SOX6: variants seen among roughly 807,000 people sequenced by gnomAD.
The protein encoded by SOX6 is SRY-box transcription factor 6, also known as transcription factor SOX-6.
Under a neutral mutation model 97.8 loss-of-function variants are expected in SOX6, and 11 were observed. That is an observed-to-expected ratio of 0.11 (90% CI 0.07 to 0.19). The LOEUF (loss-of-function observed/expected upper bound fraction) is 0.19, where lower values mean the gene tolerates loss of function less well. Among genes scored for constraint, SOX6 ranks in the 10% least tolerant of loss-of-function variants. SOX6 has a pLI of 1.00. For synonymous variants in SOX6, 360 were observed against 371.4 expected (o/e 0.97, Z 0.35); for missense variants, 810 against 1,039.5 (o/e 0.78, Z 3.04).
In SOX6 at chr11:16,223,564, G is replaced by T. The variant is rs540166121; in HGVS notation, c.535+11018C>A. On this transcript the variant is annotated intron_variant, in intron 4 of 15. Transcript: ENST00000683767. ...ATAGATGTAGATATAGATGTTAATG[G>T]CTGTCTTCAGTTCTGGGTTTGTACA... Among the ~76,000 whole-genome samples the T allele has an allele frequency of 3.9e-5, 6 of 152,154 alleles. No individual in the cohort carries two copies. The South Asian group carries it at 1.0e-3, about 26-fold the overall frequency.
intron 2 of SOX6, among the ~76,000 whole-genome samples, chr11:16,321,961 A>C (rs1300810409): frequency 6.6e-6 from 1 of 152,172 alleles, no homozygotes; most frequent in African/African-American, 2.4e-5. Context: ...CACGTAAATT[A>C]ATAAACTTAT....
intron 4 of SOX6, among the ~76,000 whole-genome samples, chr11:16,598,389 C>T (rs1848234218): frequency 6.6e-6 from 1 of 151,984 alleles, no homozygotes. Context: ...CAATGAACTA[C>T]TCTCTCTTAG....
intron 4 of SOX6, among the ~76,000 whole-genome samples, chr11:16,539,747 T>C (rs1409440345): frequency 1.3e-5 from 2 of 152,140 alleles, no homozygotes. Flanking sequence ...CCTGGACACA[T>C]ACGCCCTCCT....
At chr11:16,303,736 G>A (rs1855335595) in intron 3 of SOX6, among the ~76,000 whole-genome samples, 1 of 152,118 alleles carries the variant, frequency 6.6e-6, no homozygotes, top group Admixed American at 6.5e-5. Context: ...ACCATGTTGA[G>A]TCTCCTAGTA....
At chr11:16,376,634 TA>T (rs1264124768) in intron 1 of SOX6, among the ~76,000 whole-genome samples, 7 of 152,138 alleles carry the variant, frequency 4.6e-5, no homozygotes, top group Admixed American at 4.6e-4. Context: ...TTGCTGATAG[TA>T]AGAATTTCAC....
intron 1 of SOX6, among the ~76,000 whole-genome samples, chr11:16,399,342 A>T (rs1016663710): frequency 2.1e-5 from 3 of 145,004 alleles, no homozygotes; most frequent in African/African-American, 8.3e-5. Flanking sequence ...ATTGTTTTAT[A>T]TTATTTTTAT....
intron 1 of SOX6, among the ~76,000 whole-genome samples, chr11:16,461,372 A>C (rs1261458035): frequency 6.6e-6 from 1 of 152,158 alleles, no homozygotes; most frequent in Non-Finnish European, 1.5e-5. Flanking sequence ...ATTTTTCAAA[A>C]GCGAAGCTCT....
At chr11:16,210,814 A>C (rs972927906) in intron 4 of SOX6, among the ~76,000 whole-genome samples, 1 of 152,186 alleles carries the variant, frequency 6.6e-6, no homozygotes. Flanking sequence ...CTTACTTTCT[A>C]GTGGAGGAAC....
At chr11:16,460,183 C>A (rs992082652) in intron 1 of SOX6, among the ~76,000 whole-genome samples, 7 of 151,860 alleles carry the variant, frequency 4.6e-5, no homozygotes, top group African/African-American at 1.7e-4. Flanking sequence ...AAATATTGGA[C>A]AACCAAAAAG....
At position 16,591,798 on chromosome 11, in the gene SOX6, A is replaced by G. The variant is rs991831963; in HGVS notation, n.609+20283T>C. On this transcript the variant is annotated intron_variant and non_coding_transcript_variant, in intron 4 of 5. Coordinates refer to the SOX6 transcript ENST00000524520. ...AATTTTAACAAAATTATTTGCATACATTTGTATGTAATCAATTTGTGCAAT... is the reference window on the plus strand; with the variant it reads ...AATTTTAACAAAATTATTTGCATACGTTTGTATGTAATCAATTTGTGCAAT... 9.9e-5 allele frequency among the ~76,000 whole-genome samples: 15 copies of G among 152,154 alleles called. No homozygotes were observed. The South Asian group carries it at 3.1e-3, about 31-fold the overall frequency.
intron 6 of SOX6, among the ~76,000 whole-genome samples, chr11:16,146,284 A>T (rs1376930548): frequency 6.6e-6 from 1 of 152,220 alleles, no homozygotes; most frequent in East Asian, 1.9e-4. Flanking sequence ...GGTGCTGGGA[A>T]AACTGGCTAG....
intron 4 of SOX6, among the ~76,000 whole-genome samples, chr11:16,528,171 A>G (rs1052944445): frequency 1.3e-5 from 2 of 152,116 alleles, no homozygotes; most frequent in Admixed American, 1.3e-4. Flanking sequence ...AAATTTTACA[A>G]TGTTTCTAAA....
intron 1 of SOX6, among the ~76,000 whole-genome samples, chr11:16,411,733 A>G (rs186163763): frequency 4.2e-4 from 64 of 152,316 alleles, no homozygotes; most frequent in African/African-American, 1.3e-3. Flanking sequence ...ACCAAAGTCA[A>G]GCAGAATTTG....
chr11:16,243,517 T>C (rs1448403088), intron 3 of SOX6, among the ~76,000 whole-genome samples: 1 of 151,904 alleles, frequency 6.6e-6, no homozygotes, highest in African/African-American at 2.4e-5. Flanking sequence ...TTTAATTAAC[T>C]ATATTCATAT....
chr11:16,680,818 G>C (rs1847921626), intron 3 of SOX6, among the ~76,000 whole-genome samples: 1 of 152,290 alleles, frequency 6.6e-6, no homozygotes, highest in Non-Finnish European at 1.5e-5. Flanking sequence ...CCTAGTCTCT[G>C]ATAAAACAGA....
At chr11:16,180,423 T>C (rs1337852578) in intron 6 of SOX6, among the ~76,000 whole-genome samples, 1 of 151,760 alleles carries the variant, frequency 6.6e-6, no homozygotes, top group Non-Finnish European at 1.5e-5. Flanking sequence ...CCATATTCCA[T>C]GACCTATTAG....
chr11:16,699,822 T>G (rs1168562155), intron 3 of SOX6, among the ~76,000 whole-genome samples: 1 of 152,198 alleles, frequency 6.6e-6, no homozygotes, highest in African/African-American at 2.4e-5. Context: ...TACTTATTCA[T>G]GCACATATTA....
At chr11:16,326,851 A>C (rs1271965524) in intron 2 of SOX6, among the ~76,000 whole-genome samples, 2 of 152,196 alleles carry the variant, frequency 1.3e-5, no homozygotes, top group Admixed American at 1.3e-4. Context: ...TCAGTGGCTA[A>C]GGCCAAAGGC....
intron 10 of SOX6, among the ~76,000 whole-genome samples, chr11:16,051,025 C>G (rs1229155508): frequency 6.6e-6 from 1 of 151,882 alleles, no homozygotes; most frequent in Non-Finnish European, 1.5e-5. Flanking sequence ...CTTGCTGGGG[C>G]TCAATTTCTT....
Sources: allele counts gnomAD v4.1 joint callset (sites outside exome capture counted in the v4.1 genomes callset), GRCh38; gene constraint gnomAD v4.1.1; transcripts MANE v1.5; gene names NCBI Gene and HGNC (gene_info 2026-07-23, HGNC 2026-07-21).